The following PHACTR4 variants were observed in gnomAD, a reference collection of about 807,000 sequenced individuals.
PHACTR4 encodes phosphatase and actin regulator 4.
PHACTR4 carries 51 observed loss-of-function variants against 72.7 expected under a neutral mutation model. That is an observed-to-expected ratio of 0.70 (90% CI 0.56 to 0.89). The LOEUF (loss-of-function observed/expected upper bound fraction) is 0.89, where lower values mean the gene tolerates loss of function less well. Among genes scored for constraint, PHACTR4 ranks in the 40% least tolerant of loss-of-function variants. The pLI, the probability that PHACTR4 is intolerant of heterozygous loss-of-function variation, is 0.00. For synonymous variants in PHACTR4, 255 were observed against 302.5 expected (o/e 0.84, Z 1.63); for missense variants, 731 against 861.8 (o/e 0.85, Z 1.90).
At chr1:28,468,277 C>T (rs1659337000) in intron 6 of PHACTR4, among the ~76,000 whole-genome samples, 1 of 152,160 alleles carries the variant, frequency 6.6e-6, no homozygotes, top group Admixed American at 6.6e-5. Context: ...GCAATTAGAA[C>T]ATGAAGACAT....
intron 4 of PHACTR4, among the ~76,000 whole-genome samples, chr1:28,465,384 C>T (rs896682287): frequency 1.3e-5 from 2 of 152,138 alleles, no homozygotes; most frequent in East Asian, 1.9e-4. Context: ...GGCGTGAACC[C>T]GGGAGGCAGA....
chr1:28,377,224 C>G (rs951246785), intron 1 of PHACTR4, among the ~76,000 whole-genome samples: 1 of 151,392 alleles, frequency 6.6e-6, no homozygotes, highest in Non-Finnish European at 1.5e-5. Context: ...AGGCGTGAGC[C>G]TCCGCACCCA....
chr1:28,448,761 C>CAAAAAAAAAAA (rs777343479), intron 2 of PHACTR4, among the ~76,000 whole-genome samples: 1 of 20,354 alleles, frequency 4.9e-5, no homozygotes, highest in African/African-American at 2.1e-4. Context: ...GACTCCATCT[C>CAAAAAAAAAAA]AAAAAAAAAA....
At chr1:28,477,895 C>T (rs1660024249) in intron 8 of PHACTR4, among the ~76,000 whole-genome samples, 1 of 151,988 alleles carries the variant, frequency 6.6e-6, no homozygotes, top group Admixed American at 6.6e-5. Flanking sequence ...ACCATGTTGC[C>T]CAGGCTGGTC....
In PHACTR4 at chr1:28,473,649, A is replaced by C. The variant is rs1486059013; in HGVS notation, c.919A>C (p.Thr307Pro). 2 of 1,613,946 alleles carry C rather than the reference A, an allele frequency of 1.2e-6. No individual in the cohort carries two copies. Among genetic ancestry groups the C allele is most frequent in the African/African-American group, 2.7e-5 (2 of 74,960 alleles). Residue 307 changes from threonine to proline, a missense_variant, in exon 7 of 14, where the codon ACC becomes CCC. Transcript: ENST00000373839. ...AGGCATTCCATCAACCTCAGTACCC[A>C]CCTTGGAGTCTGCTGCTGCCATCAC... is the stretch of plus-strand genomic sequence containing the variant. ...KRGIPSTSVP[T>P]LESAAAITTK... is the part of the protein sequence containing the mutation.
chr1:28,482,469 C>G (rs564371121), intron 9 of PHACTR4, among the ~76,000 whole-genome samples: 2 of 152,154 alleles, frequency 1.3e-5, no homozygotes, highest in Non-Finnish European at 2.9e-5. Context: ...AGCCAGCTTT[C>G]TGCATATGTA....
chr1:28,492,835 A>G (rs1198468355), intron 12 of PHACTR4, among the ~76,000 whole-genome samples, 180 bp from the exon 13 acceptor site: 1 of 152,212 alleles, frequency 6.6e-6, no homozygotes. Context: ...TTTTGATTAA[A>G]CTAAAAATTT....
chr1:28,473,192 C>T (rs1659682916), intron 6 of PHACTR4, among the ~76,000 whole-genome samples: 1 of 150,390 alleles, frequency 6.6e-6, no homozygotes, highest in African/African-American at 2.4e-5. Flanking sequence ...AGGAGTATCG[C>T]TTGAGCCCGG....
chr1:28,383,905 A>G (rs1425710033), intron 1 of PHACTR4, among the ~76,000 whole-genome samples: 1 of 152,126 alleles, frequency 6.6e-6, no homozygotes, highest in East Asian at 1.9e-4. Context: ...CCTTTAATGC[A>G]TCTGTTGAGA....
intron 4 of PHACTR4, among the ~76,000 whole-genome samples, chr1:28,460,770 A>G (rs996782945): frequency 6.6e-6 from 1 of 152,008 alleles, no homozygotes; most frequent in Non-Finnish European, 1.5e-5. Context: ...TGGCCTCCCA[A>G]AGTTCTGGGA....
intron 1 of PHACTR4, among the ~76,000 whole-genome samples, chr1:28,404,035 A>G (rs186650414): frequency 1.4e-4 from 22 of 152,204 alleles, no homozygotes; most frequent in African/African-American, 4.8e-4. Context: ...TTTGTATACA[A>G]GTTTTTCGTT....
chr1:28,426,501 C>CA (rs1199489948), intron 2 of PHACTR4, among the ~76,000 whole-genome samples: 32 of 151,118 alleles, frequency 2.1e-4, no homozygotes, highest in African/African-American at 7.0e-4. Flanking sequence ...ACTAAAAATA[C>CA]AAAAAAAACC....
chr1:28,491,826 C>A (rs1429180335), intron 12 of PHACTR4, 39 bp downstream of exon 12: 3 of 1,592,512 alleles, frequency 1.9e-6, no homozygotes, highest in South Asian at 2.3e-5. Context: ...TTCTCTTTCT[C>A]TTTTTCTCTT....
At chr1:28,401,207 T>G (rs1459581196) in intron 1 of PHACTR4, among the ~76,000 whole-genome samples, 1 of 152,088 alleles carries the variant, frequency 6.6e-6, no homozygotes, top group Non-Finnish European at 1.5e-5. Context: ...CAAAGTATGT[T>G]TCAAGGCTGA....
chr1:28,481,035 A>ATT (rs141029069), intron 9 of PHACTR4, among the ~76,000 whole-genome samples: 8 of 146,074 alleles, frequency 5.5e-5, no homozygotes, highest in South Asian at 2.2e-4. Context: ...TTTTAGTGTG[A>ATT]TTTTTTTTTC....
intron 8 of PHACTR4, among the ~76,000 whole-genome samples, chr1:28,477,499 T>C (rs1660001429): frequency 6.6e-6 from 1 of 151,986 alleles, no homozygotes; most frequent in African/African-American, 2.4e-5. Flanking sequence ...AGATATATAA[T>C]AGTAATATAT....
intron 1 of PHACTR4, among the ~76,000 whole-genome samples, chr1:28,382,841 T>C (rs1652291604): frequency 6.6e-6 from 1 of 152,120 alleles, no homozygotes; most frequent in Non-Finnish European, 1.5e-5. Flanking sequence ...TTGCCCAGGC[T>C]GGAGTACAGT....
At chr1:28,374,641 C>CTTT (rs1265514014) in intron 1 of PHACTR4, among the ~76,000 whole-genome samples, 2 of 151,896 alleles carry the variant, frequency 1.3e-5, no homozygotes, top group Non-Finnish European at 2.9e-5. Context: ...ACTTCATTTC[C>CTTT]AAAACCATCT....
chr1:28,460,229 T>C lies in PHACTR4; in HGVS notation c.208T>C (p.Ser70Pro). The C allele has an allele frequency of 6.2e-7, 1 of 1,613,474 alleles. No homozygotes were observed. Among genetic ancestry groups the C allele is most frequent in the Non-Finnish European group, 8.5e-7 (1 of 1,179,688 alleles). Residue 70 changes from serine (S) to proline (P), a missense_variant, in exon 4 of 14, where the codon TCT (serine) becomes CCT (proline). By Grantham distance (74) the Ser-to-Pro change is moderately conservative. Transcript: ENST00000373839. ...AATGTTAGTTTTAGAACGGAAAATA[T>C]CTATGCGAAAGCCAAGAGAAGAGCT... is the stretch of plus-strand genomic sequence containing the variant. ...ETSEVLERKI[S>P]MRKPREELVK...
Sources: gnomAD v4.1 joint callset for allele counts (sites outside exome capture counted in the v4.1 genomes callset) on GRCh38, gnomAD v4.1.1 for gene constraint, MANE v1.5 for transcripts, NCBI Gene and HGNC (gene_info 2026-07-23, HGNC 2026-07-21) for gene names.